The following UBA52 variants were observed in gnomAD, a reference collection of about 807,000 sequenced individuals.
UBA52 encodes ubiquitin-ribosomal protein eL40 fusion protein.
UBA52 carries 1 observed loss-of-function variant against 15.3 expected under a neutral mutation model. That is an observed-to-expected ratio of 0.07 (90% CI 0.02 to 0.31). The LOEUF is 0.31. UBA52 is among the 10% of genes least tolerant of loss of function. The pLI, the probability that UBA52 is intolerant of heterozygous loss-of-function variation, is 1.00. For synonymous variants in UBA52, 50 were observed against 58.3 expected (o/e 0.86, Z 0.65); for missense variants, 87 against 168.0 (o/e 0.52, Z 2.66).
Position 18,575,261 on chromosome 19 carries a change from T to G in UBA52, c.*111T>G, listed in dbSNP as rs1210164968. ...CAGCAATTGGTGTCCTCATGGCTGA[T>G]CTGTCCAGGGAGGTGGCTGAAGAGT... On this transcript the variant is annotated 3_prime_UTR_variant, in exon 5 of 5. Transcript: ENST00000442744. 2 of 1,337,922 alleles carry G rather than the reference T, an allele frequency of 1.5e-6. No individual in the cohort carries two copies. The highest frequency in any genetic ancestry group is 2.5e-5 in the South Asian group (2 of 79,460). 82.9% of individuals were successfully genotyped at this position (1,337,922 alleles called of 1,614,324 possible).
upstream of UBA52, among the ~76,000 whole-genome samples, chr19:18,570,025 G>A (rs1288270364): frequency 6.6e-6 from 1 of 152,078 alleles, no homozygotes; most frequent in Admixed American, 6.6e-5. Context: ...GACCAAAACT[G>A]TTGTCTCAAA....
upstream of UBA52, chr19:18,568,262 T>C (rs1975354688): frequency 9.4e-6 from 6 of 639,502 alleles, no homozygotes; most frequent in African/African-American, 6.2e-5. Context: ...CGAAACTCCG[T>C]CTCAAAAAAA....
At chr19:18,567,297 TG>T, upstream of UBA52, 1 of 985,530 alleles carries the variant, frequency 1.0e-6, no homozygotes, top group Non-Finnish European at 1.6e-6. Context: ...GCAGTGGGTC[TG>T]GGGAAACCTG....
At chr19:18,565,630 C>T in the UBA52 span, among the ~76,000 whole-genome samples, 23 of 152,340 alleles carry the variant, frequency 1.5e-4, no homozygotes, top group African/African-American at 5.5e-4. Context: ...TCTTGTGCTT[C>T]AGCCTTCTGA....
At chr19:18,567,259 G>A (rs778438541), upstream of UBA52, 3 of 1,411,304 alleles carry the variant, frequency 2.1e-6, no homozygotes, top group Non-Finnish European at 3.0e-6. Flanking sequence ...CCACCTTGGG[G>A]CCTGATACTG....
intron 2 of UBA52, 48 bp downstream of exon 2, chr19:18,573,451 T>C (rs1975610276): frequency 6.6e-7 from 1 of 1,519,140 alleles, no homozygotes; most frequent in Non-Finnish European, 9.1e-7. Context: ...TGGGAGTCCC[T>C]CTCTGCCCAG....
intron 1 of UBA52, chr19:18,572,252 G>T (rs1253996778): frequency 2.6e-5 from 4 of 152,314 alleles, no homozygotes; most frequent in Non-Finnish European, 5.9e-5. Context: ...TTCTCGAGCT[G>T]AGTCTTCATA....
rs990017538 is a variant in UBA52 at position 18,574,409 on chromosome 19, C to T, written c.191-461C>T. ...GTTCAAGCGATTCCCCTGCCTCAGC[C>T]TCCCGAGTAGCTGGGATTACAGGCA... On this transcript the variant is annotated intron_variant, in intron 3 of 4. Transcript: ENST00000442744. 2.6e-5 allele frequency among the ~76,000 whole-genome samples: 4 copies of T among 151,844 alleles called. No homozygotes were observed. In the South Asian group the frequency reaches 8.3e-4, roughly 31 times the overall value.
At chr19:18,566,712 G>A in the UBA52 span, among the ~76,000 whole-genome samples, 2 of 151,740 alleles carry the variant, frequency 1.3e-5, no homozygotes, top group Admixed American at 1.3e-4. Flanking sequence ...ACAATCATGT[G>A]AATCCGGAAG....
chr19:18,565,917 A>G, the UBA52 span, among the ~76,000 whole-genome samples: 1 of 152,116 alleles, frequency 6.6e-6, no homozygotes. Flanking sequence ...CAAACTCCTG[A>G]GCTCCAGCAC....
chr19:18,577,351 A>AC lies in UBA52; in HGVS notation c.*2202dup, dbSNP rs1446734792. 6.6e-6 allele frequency: 1 copy of AC among 152,170 alleles called. No homozygotes were observed. The highest frequency in any genetic ancestry group is 1.5e-5 in the Non-Finnish European group (1 of 68,010). The allele number at this position is 152,170 out of a possible 1,614,324, so 9.4% of individuals were successfully genotyped here. A position where few individuals can be genotyped will look rare whatever the true frequency, so the allele number is the denominator to read the frequency against. The stretch of plus-strand genomic sequence containing the variant: ...AAAAAGAAAGAAAGGGGAGGGAGTA[A>AC]CAGGGATATGAGCTCTAGCCGCCCA... On this transcript the variant is annotated 3_prime_UTR_variant, in exon 5 of 5. Transcript: ENST00000442744.
upstream of UBA52, among the ~76,000 whole-genome samples, chr19:18,570,106 T>C (rs1226586699): frequency 6.6e-6 from 1 of 152,224 alleles, no homozygotes. Context: ...CCTGGTATAG[T>C]AGTGCCTGCA....
chr19:18,570,958 G>C (rs139973440), upstream of UBA52, among the ~76,000 whole-genome samples: 425 of 151,366 alleles, frequency 2.8e-3, 5 homozygotes, highest in Middle Eastern at 0.027. Flanking sequence ...AAGTGCAGGC[G>C]TGAGTCACCG....
intron 1 of UBA52, chr19:18,572,861 C>T (rs1041240644): frequency 3.9e-6 from 4 of 1,029,696 alleles, no homozygotes; most frequent in Non-Finnish European, 4.7e-6. Context: ...CCCATCCAGG[C>T]TGGCAGCAGG....
chr19:18,574,300 T>TC (rs1439551458), intron 3 of UBA52, among the ~76,000 whole-genome samples: 1 of 151,792 alleles, frequency 6.6e-6, no homozygotes, highest in African/African-American at 2.4e-5. Context: ...GAATTCAGTG[T>TC]CCTTTTTTTG....
At chr19:18,574,236 T>G (rs1975661885) in intron 3 of UBA52, among the ~76,000 whole-genome samples, 1 of 150,636 alleles carries the variant, frequency 6.6e-6, no homozygotes. Flanking sequence ...AGTCATAATG[T>G]GAATTTTTTT....
upstream of UBA52, among the ~76,000 whole-genome samples, chr19:18,571,462 G>A (rs891831463): frequency 3.3e-5 from 5 of 152,168 alleles, no homozygotes; most frequent in African/African-American, 1.2e-4. Flanking sequence ...TATAATAACC[G>A]ATTCCAGGTG....
chr19:18,564,932 C>T, the UBA52 span: 1 of 1,613,668 alleles, frequency 6.2e-7, no homozygotes, highest in Non-Finnish European at 8.5e-7. Flanking sequence ...CCAGTGCCCG[C>T]CTGCAGCAGA....
rs1975828700 is a variant in UBA52, at chr19:18,577,326, A to G, written c.*2176A>G. On this transcript the variant is annotated 3_prime_UTR_variant, in exon 5 of 5. Transcript: ENST00000442744. Reference sequence around the variant, plus strand: ...GAAGGAAGAACCACTCTTAATGGACAAAAAGAAAGAAAGGGGAGGGAGTAA... The same window carrying G: ...GAAGGAAGAACCACTCTTAATGGACGAAAAGAAAGAAAGGGGAGGGAGTAA... 1 of 152,192 alleles carries G rather than the reference A, an allele frequency of 6.6e-6. No homozygotes were observed. The highest frequency in any genetic ancestry group is 1.9e-4 in the East Asian group (1 of 5,190). The allele number at this position is 152,192 out of a possible 1,614,324, so 9.4% of individuals were successfully genotyped here.
Sources: allele counts gnomAD v4.1 joint callset (sites outside exome capture counted in the v4.1 genomes callset), GRCh38; gene constraint gnomAD v4.1.1; transcripts MANE v1.5; gene names NCBI Gene and HGNC (gene_info 2026-07-23, HGNC 2026-07-21).